The following PKD1 variants were observed in gnomAD, a reference collection of about 807,000 sequenced individuals.
The protein encoded by PKD1 is polycystin-1.
Under a neutral mutation model 361.7 loss-of-function variants are expected in PKD1, and 81 were observed. The ratio of observed to expected loss-of-function variants is 0.22; its 90% confidence interval spans 0.19 to 0.27. The LOEUF (loss-of-function observed/expected upper bound fraction) is 0.27, where lower values mean the gene tolerates loss of function less well. Ranked by LOEUF, PKD1 falls within the 10% of genes least tolerant of loss-of-function variation. The pLI is 1.00. For missense variants in PKD1, 6,399 were observed against 6,118.3 expected (o/e 1.05, Z -1.53); for synonymous variants, 3,615 against 2,818.3 (o/e 1.28, Z -8.95).
Position 2,089,754 on chromosome 16 carries a change from C to A in PKD1, c.12885G>T (p.Lys4295Asn). Reference protein sequence around the residue: ...TGPSRTPLRAKNKVHPSST With the variant: ...TGPSRTPLRANNKVHPSST ...AAGTGCTGCTGGGGTGGACCTTGTT[C>A]TTGGCCCGAAGGGGTGTCCTGCTGG... Residue 4295 changes from lysine (K) to asparagine (N), a missense_variant, in exon 46 of 46, where the codon AAG (lysine) becomes AAT (asparagine). Physicochemically the swap from Lys to Asn is moderately conservative, Grantham distance 94 (BLOSUM62 0). Transcript: ENST00000262304. The A allele has an allele frequency of 6.3e-7, 1 of 1,591,360 alleles. No homozygotes were observed. Among genetic ancestry groups the A allele is most frequent in the Non-Finnish European group, 8.5e-7 (1 of 1,170,678 alleles).
In PKD1 at chr16:2,111,108, G is replaced by A; in HGVS notation, c.4059C>T (p.Gly1353=). 12 of 1,610,768 alleles carry A rather than the reference G, an allele frequency of 7.4e-6. No individual in the cohort carries two copies. Among genetic ancestry groups the A allele is most frequent in the Non-Finnish European group, 1.0e-5 (12 of 1,179,764 alleles). The change falls in exon 15 of 46, where the codon GGC becomes GGT. Residue 1353 remains glycine, a synonymous_variant. Transcript: ENST00000262304. ...ACAGCACCAGCGCCAGGGGGAACGTGCCGCTCCGCGTGAAGTTGTGTGTCA... is the reference window on the plus strand; with the variant it reads ...ACAGCACCAGCGCCAGGGGGAACGTACCGCTCCGCGTGAAGTTGTGTGTCA... ...PTVTHNFTRS[G]TFPLALVLSS...
rs1165052169 is a variant in PKD1 at position 2,099,567 on chromosome 16, G to C, written c.10050+77C>G. ...GCCTTTCCCTCTGGCTGCAGCACTGGAAAGTGGCGGCCCTAGGCATGGTGC... is the reference window on the plus strand; with the variant it reads ...GCCTTTCCCTCTGGCTGCAGCACTGCAAAGTGGCGGCCCTAGGCATGGTGC... On this transcript the variant is annotated intron_variant, in intron 30 of 45. Transcript: ENST00000262304. The C allele has an allele frequency of 5.5e-5, 78 of 1,425,704 alleles. 1 individual carries two copies. In the South Asian group the frequency reaches 8.7e-4, roughly 16 times the overall value. 88.3% of individuals were successfully genotyped at this position (1,425,704 alleles called of 1,614,324 possible).
At chr16:2,128,958 G>C (rs1009041150) in intron 1 of PKD1, among the ~76,000 whole-genome samples, 6 of 151,936 alleles carry the variant, frequency 3.9e-5, no homozygotes, top group African/African-American at 1.5e-4. Context: ...CCGCCTCCCG[G>C]GTTCAAGTGA....
Position 2,088,875 on chromosome 16 carries a change from G to A in PKD1, c.*852C>T, listed in dbSNP as rs559752557. ...GGCCATACAGCACACTCGCGCGTGC[G>A]CGCGCGCACACACACACACACACAG... On this transcript the variant is annotated 3_prime_UTR_variant, in exon 46 of 46. Transcript: ENST00000262304. 90 of 487,886 alleles carry A rather than the reference G, an allele frequency of 1.8e-4. 1 individual carries two copies. The highest frequency in any genetic ancestry group is 1.2e-3 in the East Asian group (36 of 30,086). 30.2% of individuals were successfully genotyped at this position (487,886 alleles called of 1,614,324 possible). A position where few individuals can be genotyped will look rare whatever the true frequency, so the allele number is the denominator to read the frequency against.
In PKD1 at chr16:2,109,203, A is replaced by G; in HGVS notation, c.5964T>C (p.Thr1988=). 2 of 1,596,358 alleles carry G rather than the reference A, an allele frequency of 1.3e-6. No individual in the cohort carries two copies. Among genetic ancestry groups the G allele is most frequent in the Non-Finnish European group, 1.7e-6 (2 of 1,170,342 alleles). The change falls in exon 15 of 46, where the codon ACT becomes ACC. Residue 1988 remains threonine (T), a synonymous_variant. Transcript: ENST00000262304. ...GCACGCGGGCTGTGAAGTTCCTCTC[A>G]GTGCCCGTGGCGATGCCAGGCTCGC... ...NCCEPGIATG[T]ERNFTARVQR... is the part of the protein sequence containing the mutation.
At chr16:2,098,280 C>G in intron 30 of PKD1, 1 of 475,168 alleles carries the variant, frequency 2.1e-6, no homozygotes, top group Non-Finnish European at 3.9e-6. Context: ...GCAATCTCAG[C>G]TCACTGCAAC....
intron 45 of PKD1, 26 bp from the exon 46 acceptor site, chr16:2,090,220 A>T: frequency 6.2e-7 from 1 of 1,608,664 alleles, no homozygotes; most frequent in Non-Finnish European, 8.5e-7. Context: ...GGGCTCAGTC[A>T]GTCCGGCTGC....
At chr16:2,112,652 G>A (rs1022712867) in intron 13 of PKD1, 136 bp downstream of exon 13, 3 of 1,113,468 alleles carry the variant, frequency 2.7e-6, no homozygotes, top group African/African-American at 3.1e-5. Flanking sequence ...GGGCTCCTGT[G>A]CACCCAGTTA....
At position 2,107,000 on chromosome 16, in the gene PKD1, A is replaced by T. The variant is rs2092361452; in HGVS notation, c.7066-52T>A. ...ACACAGGTCTATTTGGCCTGCTGGA[A>T]GGACTGGGGGACCCATGGAGGATGC... On this transcript the variant is annotated intron_variant, in intron 16 of 45. Coordinates refer to ENST00000262304, the MANE Select transcript of PKD1 (RefSeq NM_001009944.3). The surrounding 1 kb of genome is among the most constrained non-coding windows in gnomAD (Gnocchi z 6.5). 2 of 1,554,118 alleles carry T rather than the reference A, an allele frequency of 1.3e-6. No homozygotes were observed. Among genetic ancestry groups the T allele is most frequent in the African/African-American group, 1.4e-5 (1 of 72,102 alleles).
chr16:2,134,181 G>A (rs2092922118), intron 1 of PKD1, among the ~76,000 whole-genome samples: 1 of 127,342 alleles, frequency 7.9e-6, no homozygotes, highest in African/African-American at 3.5e-5. Context: ...CGAGACACAC[G>A]CGTCCGCAGT....
chr16:2,104,830 G>C (rs376805836), intron 21 of PKD1, among the ~76,000 whole-genome samples, 188 bp from the exon 22 acceptor site: 1 of 136,848 alleles, frequency 7.3e-6, no homozygotes, highest in Non-Finnish European at 1.6e-5. Flanking sequence ...CCTCCACCTG[G>C]GGACCACGTG....
chr16:2,114,282 T>A lies in PKD1; in HGVS notation c.2741A>T (p.Glu914Val). Residue 914 changes from glutamate (E) to valine (V), a missense_variant, in exon 11 of 46, where the codon GAA (glutamate) becomes GTA (valine). By Grantham distance (121) the Glu-to-Val change is moderately radical. Transcript: ENST00000262304. The part of the protein sequence containing the change: ...EGEHVVDVVV[E>V]NSASRANLSL... The stretch of plus-strand genomic sequence containing the variant: ...GAGGTTGGCCCGGCTGGCGCTGTTT[T>A]CCACCACCACGTCCACCACGTGCTC... 1 of 1,610,458 alleles carries A rather than the reference T, an allele frequency of 6.2e-7. No individual in the cohort carries two copies. Among genetic ancestry groups the A allele is most frequent in the Non-Finnish European group, 8.5e-7 (1 of 1,179,654 alleles).
chr16:2,091,167 A>T lies in PKD1; in HGVS notation c.11720T>A (p.Leu3907Gln). 1 of 1,385,022 alleles carries T rather than the reference A, an allele frequency of 7.2e-7. No homozygotes were observed. Among genetic ancestry groups the T allele is most frequent in the Non-Finnish European group, 9.3e-7 (1 of 1,070,868 alleles). 85.8% of individuals were successfully genotyped at this position (1,385,022 alleles called of 1,614,324 possible). A position where few individuals can be genotyped will look rare whatever the true frequency, so the allele number is the denominator to read the frequency against. Reference protein sequence around the residue: ...LSLPLLTSVCLLLFAVHFAVA... With the variant: ...LSLPLLTSVCQLLFAVHFAVA... ...GGCGAAGTGCACGGCGAACAGCAGC[A>T]GGCACACCTGTGGGGGGCGCGGTCA... The change falls in exon 43 of 46, where the codon CTG becomes CAG. Residue 3907 changes from leucine (L) to glutamine (Q), a missense_variant. By Grantham distance (113) the Leu-to-Gln change is moderately radical (BLOSUM62 -2). Transcript: ENST00000262304.
intron 1 of PKD1, among the ~76,000 whole-genome samples, chr16:2,126,569 C>T (rs561698876): frequency 5.7e-4 from 87 of 152,410 alleles, no homozygotes; most frequent in African/African-American, 1.9e-3. Context: ...TTTCCAGCTG[C>T]GCTCACTCTG....
In PKD1 at chr16:2,110,060, G is replaced by A. The variant is rs749260272; in HGVS notation, c.5107C>T (p.Leu1703=). 7 of 1,610,008 alleles carry A rather than the reference G, an allele frequency of 4.3e-6. No homozygotes were observed. Among genetic ancestry groups the A allele is most frequent in the African/African-American group, 1.3e-5 (1 of 74,854 alleles). ...YHVQLRATNM[L]GSAWADCTMD... ...GTGCAGTCGGCCCAGGCGCTGCCCA[G>A]CATGTTGGTGGCCCGCAGCTGCACA... The change falls in exon 15 of 46, where the codon CTG becomes TTG. Residue 1703 remains leucine (L), a synonymous_variant. Transcript: ENST00000262304.
Position 2,117,780 on chromosome 16 carries a change from C to G in PKD1, c.1201+11G>C. On this transcript the variant is annotated intron_variant, in intron 5 of 45. Transcript: ENST00000262304. ...CCTGGGGAGGAAGGGGAGTGGGCAG[C>G]AGACACTCACCTCGGGCCGGCTCCT... is the stretch of plus-strand genomic sequence containing the variant. 1 of 1,054,950 alleles carries G rather than the reference C, an allele frequency of 9.5e-7. No individual in the cohort carries two copies. The highest frequency in any genetic ancestry group is 2.6e-5 in the East Asian group (1 of 38,596). The allele number at this position is 1,054,950 out of a possible 1,614,324, so 65.3% of individuals were successfully genotyped here.
intron 38 of PKD1, 61 bp from the exon 39 acceptor site, chr16:2,092,653 G>T: frequency 3.4e-6 from 4 of 1,187,668 alleles, no homozygotes; most frequent in Non-Finnish European, 4.9e-6. Context: ...TCGAGTGAGC[G>T]GCCACCAGAG....
At position 2,106,867 on chromosome 16, in the gene PKD1, G is replaced by A. The variant is rs754486194; in HGVS notation, c.7147C>T (p.Arg2383Cys). Residue 2383 changes from arginine to cysteine, a missense_variant, in exon 17 of 46, where the codon CGC becomes TGC. Arg to Cys is a radical substitution (Grantham distance 180). Coordinates refer to ENST00000262304, the MANE Select transcript of PKD1 (RefSeq NM_001009944.3). This position sits in a 1 kb window ranked among gnomAD's most constrained non-coding sequence, Gnocchi z 6.5. Reference sequence around the variant, plus strand: ...CCCTCCAAGTACACGTAGGAGCTGCGGCTCACTTCGTACACGGCCTGTGCC... The same window carrying A: ...CCCTCCAAGTACACGTAGGAGCTGCAGCTCACTTCGTACACGGCCTGTGCC... ...CKAQAVYEVS[R>C]SSYVYLEGRC... The A allele has an allele frequency of 1.7e-5, 26 of 1,548,606 alleles. No individual in the cohort carries two copies. Among genetic ancestry groups the A allele is most frequent in the Middle Eastern group, 2.3e-4 (1 of 4,322 alleles).
At position 2,119,128 on chromosome 16, in the gene PKD1, A is replaced by C. The variant is rs1408818434; in HGVS notation, c.345T>G (p.Phe115Leu). Residue 115 changes from phenylalanine to leucine, a missense_variant, in exon 3 of 46, where the codon TTT becomes TTG. Coordinates refer to ENST00000262304, the MANE Select transcript of PKD1 (RefSeq NM_001009944.3). The stretch of plus-strand genomic sequence containing the variant: ...CCACAACTTACATTTCACTTAAATT[A>C]AATAAATTAGCAAATATTCCTTCTT... ...TLEEGIFANL[F>L]NLSEINLSGN... The C allele has an allele frequency of 7.8e-7, 1 of 1,285,672 alleles. No homozygotes were observed. Among genetic ancestry groups the C allele is most frequent in the South Asian group, 1.2e-5 (1 of 82,830 alleles). 79.6% of individuals were successfully genotyped at this position (1,285,672 alleles called of 1,614,324 possible).
Sources: allele counts gnomAD v4.1 joint callset (sites outside exome capture counted in the v4.1 genomes callset), GRCh38; gene constraint gnomAD v4.1.1; non-coding constraint Gnocchi (gnomAD v3.1); transcripts MANE v1.5; gene names NCBI Gene and HGNC (gene_info 2026-07-23, HGNC 2026-07-21).